Variants in SUCLG2 observed in about 807,000 individuals in gnomAD.
The protein encoded by SUCLG2 is succinate-CoA ligase GDP-forming subunit beta, also known as succinate--CoA ligase [GDP-forming] subunit beta, mitochondrial.
SUCLG2 carries 42 observed loss-of-function variants against 47.9 expected under a neutral mutation model. The observed-to-expected ratio is 0.88, with a 90% confidence interval of 0.69 to 1.14. SUCLG2 has a LOEUF of 1.14. SUCLG2 is among the 50% of genes most tolerant of loss of function. The pLI, the probability that SUCLG2 is intolerant of heterozygous loss-of-function variation, is 0.00. For missense variants in SUCLG2, 571 were observed against 525.9 expected, an observed-to-expected ratio of 1.09 and a Z score of -0.84; for synonymous variants, 195 against 197.3, an observed-to-expected ratio of 0.99 and a Z score of 0.10.
At position 67,631,434 on chromosome 3, in the gene SUCLG2, C is replaced by G. The variant is rs566015024; in HGVS notation, c.85-21838G>C. ...CTTGAGGCCAGGAGTTTGAGACCAG[C>G]CTTGCCAACATGGTGAAACCCCGTC... On this transcript the variant is annotated intron_variant, in intron 1 of 10. Coordinates refer to ENST00000307227, the MANE Select transcript of SUCLG2 (RefSeq NM_003848.4). Among the ~76,000 whole-genome samples the G allele has an allele frequency of 1.1e-4, 17 of 152,176 alleles. No homozygotes were observed. The South Asian group carries it at 3.3e-3, about 30-fold the overall frequency.
chr3:67,625,804 C>A (rs1233805099), intron 1 of SUCLG2, among the ~76,000 whole-genome samples: 1 of 152,102 alleles, frequency 6.6e-6, no homozygotes, highest in South Asian at 2.1e-4. Context: ...GTGCTAAGCA[C>A]AGTGGGGACA....
chr3:67,625,684 AG>A (rs1700813694), intron 1 of SUCLG2, among the ~76,000 whole-genome samples: 1 of 152,182 alleles, frequency 6.6e-6, no homozygotes, highest in Non-Finnish European at 1.5e-5. Context: ...AAACACCCCA[AG>A]GAAGTATACC....
intron 9 of SUCLG2, 144 bp from the exon 10 acceptor site, chr3:67,400,995 GC>G: frequency 8.5e-7 from 1 of 1,172,010 alleles, no homozygotes; most frequent in Non-Finnish European, 1.2e-6. Flanking sequence ...TACAAAAATG[GC>G]CCAGAACATG....
At chr3:67,377,817 C>CTATTTTTTG (rs1205348981) in intron 10 of SUCLG2, among the ~76,000 whole-genome samples, 1 of 152,154 alleles carries the variant, frequency 6.6e-6, no homozygotes, top group Non-Finnish European at 1.5e-5. Context: ...CCACGCCCAG[C>CTATTTTTTG]TATTTTTTGT....
At chr3:67,559,671 A>C (rs1431278319) in intron 2 of SUCLG2, among the ~76,000 whole-genome samples, 1 of 152,204 alleles carries the variant, frequency 6.6e-6, no homozygotes, top group Non-Finnish European at 1.5e-5. Flanking sequence ...AAAAAAATAA[A>C]ATTATCAGAG....
rs1234326575 is a variant in SUCLG2, at chr3:67,375,749, T to C, written c.1294A>G (p.Lys432Glu). 1 of 1,612,908 alleles carries C rather than the reference T, an allele frequency of 6.2e-7. No homozygotes were observed. Among genetic ancestry groups the C allele is most frequent in the Non-Finnish European group, 8.5e-7 (1 of 1,179,706 alleles). The change falls in exon 11 of 11, where the codon AAG becomes GAG. Residue 432 changes from lysine (K) to glutamate (E), a missense_variant. By Grantham distance (56) the Lys-to-Glu change is moderately conservative. Coordinates refer to ENST00000307227, the MANE Select transcript of SUCLG2 (RefSeq NM_003848.4). ...ATTGGATCAGGACAAAGACATCACT[T>C]CTTGGCCACACTGGCCACAGCCTTC... ...AKKAVASVAKK is the reference protein window; with the variant it reads ...AKKAVASVAKE
intron 2 of SUCLG2, among the ~76,000 whole-genome samples, chr3:67,572,699 T>G (rs1419929099): frequency 6.6e-6 from 1 of 152,074 alleles, no homozygotes; most frequent in East Asian, 1.9e-4. Context: ...GCCAGGAATA[T>G]GACAAATATC....
chr3:67,572,090 A>G (rs2107238534), intron 2 of SUCLG2, among the ~76,000 whole-genome samples: 1 of 152,348 alleles, frequency 6.6e-6, no homozygotes, highest in South Asian at 2.1e-4. Flanking sequence ...CTTTATGATC[A>G]TCTTCCAGGA....
intron 9 of SUCLG2, among the ~76,000 whole-genome samples, chr3:67,419,258 C>T (rs1338882274): frequency 2.6e-5 from 4 of 152,144 alleles, no homozygotes; most frequent in South Asian, 4.1e-4. Flanking sequence ...TGAAGAGATA[C>T]GCTTATCACA....
intron 2 of SUCLG2, among the ~76,000 whole-genome samples, chr3:67,602,771 C>A (rs1238029780): frequency 6.6e-6 from 1 of 152,142 alleles, no homozygotes; most frequent in Non-Finnish European, 1.5e-5. Flanking sequence ...AATATTTATT[C>A]GTGAGCACCT....
chr3:67,621,671 AAAG>A (rs1700739483), intron 1 of SUCLG2, among the ~76,000 whole-genome samples: 1 of 152,128 alleles, frequency 6.6e-6, no homozygotes, highest in Non-Finnish European at 1.5e-5. Flanking sequence ...TTTCTAAGAA[AAAG>A]AAGAGAGATG....
chr3:67,524,315 G>A (rs542277947), intron 4 of SUCLG2, among the ~76,000 whole-genome samples: 20 of 152,324 alleles, frequency 1.3e-4, no homozygotes, highest in African/African-American at 4.8e-4. Flanking sequence ...CCTATCTACT[G>A]CTGAATCTGT....
At chr3:67,575,022 C>G (rs892868734) in intron 2 of SUCLG2, among the ~76,000 whole-genome samples, 1 of 152,144 alleles carries the variant, frequency 6.6e-6, no homozygotes, top group Admixed American at 6.5e-5. Flanking sequence ...CTACCTACTA[C>G]AGTAGTTAAA....
At chr3:67,564,978 CT>C (rs894881594) in intron 2 of SUCLG2, among the ~76,000 whole-genome samples, 326 of 144,142 alleles carry the variant, frequency 2.3e-3, no homozygotes, top group East Asian at 3.4e-3. Flanking sequence ...CTTCCCACTG[CT>C]TTTTTTTTTT....
intron 2 of SUCLG2, among the ~76,000 whole-genome samples, chr3:67,554,149 A>T (rs566459988): frequency 6.6e-6 from 1 of 152,308 alleles, no homozygotes; most frequent in African/African-American, 2.4e-5. Flanking sequence ...CCAGTTGCCA[A>T]GACAAATGGG....
In SUCLG2 at chr3:67,580,204, T is replaced by G. The variant is rs545659422; in HGVS notation, c.226+29251A>C. Among the ~76,000 whole-genome samples, 4 of 152,222 alleles carry G rather than the reference T, an allele frequency of 2.6e-5. No homozygotes were observed. The South Asian group carries it at 8.3e-4, about 32-fold the overall frequency. On this transcript the variant is annotated intron_variant, in intron 2 of 10. Transcript: ENST00000307227. Reference sequence around the variant, plus strand: ...CCCTCCTCTTTTTTTTCTAGCATATTCAGATAAGCAACATAGGAGAAGCCC... The same window carrying G: ...CCCTCCTCTTTTTTTTCTAGCATATGCAGATAAGCAACATAGGAGAAGCCC...
intron 9 of SUCLG2, among the ~76,000 whole-genome samples, chr3:67,431,670 T>C (rs972125905): frequency 2.0e-5 from 3 of 148,290 alleles, no homozygotes; most frequent in African/African-American, 2.5e-5. Flanking sequence ...TTCTCACTCA[T>C]AGGTGGGAAC....
chr3:67,621,309 T>G (rs532026781), intron 1 of SUCLG2, among the ~76,000 whole-genome samples: 2 of 152,128 alleles, frequency 1.3e-5, no homozygotes, highest in East Asian at 3.9e-4. Context: ...ACTTGTGGAT[T>G]AGATGTGGGT....
Position 67,498,444 on chromosome 3 carries a change from T to C in SUCLG2, c.758-149A>G, listed in dbSNP as rs980309663. 3.4e-5 allele frequency: 27 copies of C among 793,902 alleles called. 1 individual carries two copies. Among genetic ancestry groups the C allele is most frequent in the Admixed American group, 3.2e-4 (11 of 34,488 alleles). The allele number at this position is 793,902 out of a possible 1,614,324, so 49.2% of individuals were successfully genotyped here. On this transcript the variant is annotated intron_variant, in intron 7 of 10. Transcript: ENST00000307227. ...GGCAGGAGAGGCTGCTTTGGCTTTC[T>C]TGACCTTTAAATTTTAGGGTTTGGT...
Sources: allele counts gnomAD v4.1 joint callset (sites outside exome capture counted in the v4.1 genomes callset), GRCh38; gene constraint gnomAD v4.1.1; transcripts MANE v1.5; gene names NCBI Gene and HGNC (gene_info 2026-07-23, HGNC 2026-07-21).